The following MCPH1 variants were observed in gnomAD, a reference collection of about 807,000 sequenced individuals.
MCPH1 encodes the protein microcephalin 1.
MCPH1 carries 104 observed loss-of-function variants against 84.5 expected under a neutral mutation model. The observed-to-expected ratio is 1.23, with a 90% CI of 1.05 to 1.45. The LOEUF is 1.45. Among genes scored for constraint, MCPH1 ranks in the 40% most tolerant of loss-of-function variants. MCPH1 has a pLI of 0.00. For synonymous variants in MCPH1, 514 were observed against 366.8 expected (o/e 1.40, Z -4.58); for missense variants, 1,498 against 1,005.7 (o/e 1.49, Z -6.62).
At chr8:6,471,468 T>C (rs1186312217) in intron 9 of MCPH1, among the ~76,000 whole-genome samples, 1 of 152,196 alleles carries the variant, frequency 6.6e-6, no homozygotes, top group Admixed American at 6.5e-5. Flanking sequence ...CATTTCCAGA[T>C]GTTTCCTTTC....
intron 12 of MCPH1, among the ~76,000 whole-genome samples, chr8:6,599,640 CAA>C (rs930930167): frequency 2.6e-4 from 39 of 152,214 alleles, no homozygotes; most frequent in African/African-American, 9.2e-4. Flanking sequence ...ACAAGTACAA[CAA>C]ATTCTCAGGT....
Position 6,605,554 on chromosome 8 carries a change from C to A in MCPH1, c.2215-15900C>A, listed in dbSNP as rs532822560. On this transcript the variant is annotated intron_variant, in intron 12 of 13. Coordinates refer to ENST00000344683, the MANE Select transcript of MCPH1 (RefSeq NM_024596.5). ...TGTCTTATGAAATAACAATACTGTG[C>A]TTTGAGTAGCCAGACCACATAGTAG... 6.6e-5 allele frequency among the ~76,000 whole-genome samples: 10 copies of A among 152,322 alleles called. No individual in the cohort carries two copies. In the South Asian group the frequency reaches 1.4e-3, roughly 22 times the overall value.
At chr8:6,519,590 A>G (rs1192476336) in intron 12 of MCPH1, among the ~76,000 whole-genome samples, 1 of 152,260 alleles carries the variant, frequency 6.6e-6, no homozygotes, top group Non-Finnish European at 1.5e-5. Context: ...AGTATGCATT[A>G]TTCAAGCAAA....
chr8:6,593,425 G>A (rs1165024521), intron 12 of MCPH1, among the ~76,000 whole-genome samples: 1 of 151,388 alleles, frequency 6.6e-6, no homozygotes, highest in Admixed American at 6.6e-5. Flanking sequence ...CGCGATCTTG[G>A]CTCCCTGCAA....
intron 12 of MCPH1, among the ~76,000 whole-genome samples, chr8:6,591,401 G>A (rs1164093045): frequency 6.6e-6 from 1 of 152,192 alleles, no homozygotes; most frequent in Non-Finnish European, 1.5e-5. Context: ...TGAGTGATAA[G>A]CCCTGGTAAC....
chr8:6,627,944 A>C (rs1424524487), intron 13 of MCPH1, among the ~76,000 whole-genome samples: 1 of 151,788 alleles, frequency 6.6e-6, no homozygotes, highest in Non-Finnish European at 1.5e-5. Context: ...AGTGGGTTTT[A>C]AAAAAAATTA....
In MCPH1 at chr8:6,645,442, T is replaced by A. The variant is rs1798170647; in HGVS notation, c.*2393T>A. 1.3e-5 allele frequency: 2 copies of A among 152,100 alleles called. No individual in the cohort carries two copies. The highest frequency in any genetic ancestry group is 2.9e-5 in the Non-Finnish European group (2 of 68,014). 9.4% of individuals were successfully genotyped at this position (152,100 alleles called of 1,614,324 possible). ...AGGATTCTGAATTTTAAAAAAAATT[T>A]GTAAAGGCTTATGGCTCTCACCACT... On this transcript the variant is annotated 3_prime_UTR_variant, in exon 14 of 14. Coordinates refer to ENST00000344683, the MANE Select transcript of MCPH1 (RefSeq NM_024596.5).
intron 12 of MCPH1, among the ~76,000 whole-genome samples, chr8:6,564,298 A>G (rs1825953489): frequency 6.6e-6 from 1 of 152,178 alleles, no homozygotes; most frequent in African/African-American, 2.4e-5. Context: ...TTATTGTGTC[A>G]GAATTTGTTG....
chr8:6,445,871 C>G (rs572033341), intron 8 of MCPH1: 246 of 1,066,468 alleles, frequency 2.3e-4, no homozygotes, highest in African/African-American at 1.9e-3. Flanking sequence ...CCATTGGAGT[C>G]TTGGCGCTGC....
intron 7 of MCPH1, among the ~76,000 whole-genome samples, chr8:6,442,560 TGAG>T (rs999657149): frequency 3.3e-4 from 51 of 152,274 alleles, no homozygotes; most frequent in African/African-American, 1.2e-3. Context: ...GATCGTCAAT[TGAG>T]GAGATAAATA....
chr8:6,519,405 C>G (rs1197185227), intron 12 of MCPH1, among the ~76,000 whole-genome samples: 1 of 152,082 alleles, frequency 6.6e-6, no homozygotes. Flanking sequence ...TATGCAGTCA[C>G]ACACAAAAAA....
At chr8:6,557,632 C>A (rs1379246766) in intron 12 of MCPH1, among the ~76,000 whole-genome samples, 1 of 151,394 alleles carries the variant, frequency 6.6e-6, no homozygotes, top group East Asian at 1.9e-4. Flanking sequence ...TCTTACAGGG[C>A]CATCCTATAG....
At chr8:6,441,289 T>G (rs1327460971) in intron 6 of MCPH1, among the ~76,000 whole-genome samples, 1 of 152,224 alleles carries the variant, frequency 6.6e-6, no homozygotes, top group East Asian at 1.9e-4. Flanking sequence ...AAACTTTACT[T>G]TTTCTATTAC....
At chr8:6,473,425 A>T (rs1195434475) in intron 9 of MCPH1, among the ~76,000 whole-genome samples, 2 of 131,072 alleles carry the variant, frequency 1.5e-5, no homozygotes, top group Non-Finnish European at 3.1e-5. Flanking sequence ...CCGTCTCCCC[A>T]GGTTCACGCC....
intron 12 of MCPH1, among the ~76,000 whole-genome samples, chr8:6,591,848 A>T (rs969125858): frequency 1.3e-5 from 2 of 152,184 alleles, no homozygotes. Context: ...ATACAAAAAA[A>T]GGAGTTGAAA....
At chr8:6,523,877 G>A (rs1487195657) in intron 12 of MCPH1, among the ~76,000 whole-genome samples, 3 of 145,906 alleles carry the variant, frequency 2.1e-5, no homozygotes, top group Admixed American at 6.9e-5. Flanking sequence ...ATGAGCCACC[G>A]TGCCTGGCTG....
chr8:6,516,032 G>T (rs1586283486), intron 12 of MCPH1, among the ~76,000 whole-genome samples: 1 of 152,198 alleles, frequency 6.6e-6, no homozygotes, highest in Admixed American at 6.5e-5. Context: ...CTTCTCCCCA[G>T]CATGGTTCTG....
chr8:6,452,113 TC>T (rs886787851), intron 8 of MCPH1, among the ~76,000 whole-genome samples: 1 of 152,226 alleles, frequency 6.6e-6, no homozygotes, highest in Non-Finnish European at 1.5e-5. Flanking sequence ...TCTCTCCCTT[TC>T]CTAGTATTTA....
chr8:6,514,292 C>G (rs1169442454), intron 12 of MCPH1, among the ~76,000 whole-genome samples: 3 of 152,150 alleles, frequency 2.0e-5, no homozygotes, highest in African/African-American at 7.2e-5. Flanking sequence ...CAGGTTCAAG[C>G]GATTCTCCTG....
Sources: allele counts gnomAD v4.1 joint callset (sites outside exome capture counted in the v4.1 genomes callset), GRCh38; gene constraint gnomAD v4.1.1; transcripts MANE v1.5; gene names NCBI Gene and HGNC (gene_info 2026-07-23, HGNC 2026-07-21).